Variants in MICAL2 observed in about 807,000 individuals in gnomAD.
MICAL2 encodes [F-actin]-monooxygenase MICAL2.
A neutral mutation model predicts 127.3 loss-of-function variants in MICAL2; 77 were observed. That is an observed-to-expected ratio of 0.60 (90% confidence interval 0.50 to 0.73). The LOEUF (loss-of-function observed/expected upper bound fraction) is 0.73. Among genes scored for constraint, MICAL2 ranks in the 30% least tolerant of loss-of-function variants. The pLI is 0.00. For synonymous variants in MICAL2, 570 were observed against 551.1 expected (o/e 1.03, Z -0.48); for missense variants, 1,351 against 1,434.4 (o/e 0.94, Z 0.94).
rs1282643188 is a variant in MICAL2 at position 12,223,411 on chromosome 11, G to A, written c.1450G>A (p.Val484Met). ...GCAAGCATGTCTCTCTTGCTCATAG[G>A]TGAAGCATTTGTATATCACTAAGGA... ...LNSHCVRPHQ[V>M]KHLYITKELE... is the part of the protein sequence containing the mutation. The change falls in exon 12 of 28, where the codon GTG (valine) becomes ATG (methionine). Residue 484 changes from valine (V) to methionine (M), a missense_variant and splice_region_variant. Val to Met is a conservative substitution (Grantham distance 21, BLOSUM62 1). Transcript: ENST00000683283. The A allele has an allele frequency of 1.2e-6, 2 of 1,613,580 alleles. No individual in the cohort carries two copies. Among genetic ancestry groups the A allele is most frequent in the Non-Finnish European group, 1.7e-6 (2 of 1,179,578 alleles).
chr11:12,316,901 A>G (rs1864238491), intron 29 of MICAL2, among the ~76,000 whole-genome samples: 1 of 152,148 alleles, frequency 6.6e-6, no homozygotes, highest in African/African-American at 2.4e-5. Flanking sequence ...GGGCTAATTC[A>G]TTCCCCGTGA....
intron 32 of MICAL2, among the ~76,000 whole-genome samples, chr11:12,344,935 G>A (rs772625569): frequency 5.5e-5 from 7 of 127,452 alleles, no homozygotes; most frequent in East Asian, 2.1e-4. Flanking sequence ...GTGAAACCCC[G>A]TCTGTACTAA....
Position 12,224,693 on chromosome 11 carries a change from A to G in MICAL2, c.1561A>G (p.Lys521Glu), listed in dbSNP as rs571399686. 126 of 1,614,048 alleles carry G rather than the reference A, an allele frequency of 7.8e-5. No individual in the cohort carries two copies. In the South Asian group the frequency reaches 9.0e-4, roughly 12 times the overall value. Residue 521 changes from lysine to glutamate, a missense_variant, in exon 13 of 28, where the codon AAG becomes GAG. Around this residue, in one of 2 missense-constraint regions of MICAL2, gnomAD observed 599 missense variants for 714.9 expected, o/e 0.84. Coordinates refer to ENST00000683283, the MANE Select transcript of MICAL2 (RefSeq NM_001282663.2). ...SRKESDIRPS[K>E]LLTWCQQQTE... ...TGCAGAGTCAGATATCCGGCCCAGC[A>G]AGCTCCTGACCTGGTGCCAGCAGCA...
At chr11:12,198,730 C>T (rs915862119) in intron 3 of MICAL2, among the ~76,000 whole-genome samples, 2 of 152,200 alleles carry the variant, frequency 1.3e-5, no homozygotes, top group African/African-American at 4.8e-5. Context: ...CCCCCATGCC[C>T]AGCTTGCTGC....
chr11:12,227,854 T>C (rs1329364206), intron 15 of MICAL2, among the ~76,000 whole-genome samples: 1 of 152,234 alleles, frequency 6.6e-6, no homozygotes, highest in Non-Finnish European at 1.5e-5. Flanking sequence ...CTGACAGACA[T>C]GATAGTGTTT....
chr11:12,188,014 C>G (rs73416226), intron 3 of MICAL2, among the ~76,000 whole-genome samples: 2 of 152,012 alleles, frequency 1.3e-5, no homozygotes, highest in South Asian at 4.1e-4. Flanking sequence ...CCTCCTCCTC[C>G]CATCCATATA....
At chr11:12,357,468 C>T (rs1939145842) in intron 34 of MICAL2, among the ~76,000 whole-genome samples, 1 of 152,216 alleles carries the variant, frequency 6.6e-6, no homozygotes, top group African/African-American at 2.4e-5. Context: ...GAAACACCTT[C>T]CTATCAGACA....
downstream of MICAL2, chr11:12,358,704 A>G: frequency 2.9e-6 from 1 of 342,024 alleles, no homozygotes; most frequent in Non-Finnish European, 5.3e-6. Flanking sequence ...TTGGCAGTCA[A>G]CTTCAGCCAG....
At chr11:12,114,992 T>C (rs1462755008) in intron 1 of MICAL2, among the ~76,000 whole-genome samples, 1 of 152,192 alleles carries the variant, frequency 6.6e-6, no homozygotes, top group Non-Finnish European at 1.5e-5. Flanking sequence ...CCCAGAAACC[T>C]GGCCCTGGGC....
chr11:12,122,860 G>A (rs1014944497), intron 1 of MICAL2, among the ~76,000 whole-genome samples: 1 of 152,126 alleles, frequency 6.6e-6, no homozygotes, highest in African/African-American at 2.4e-5. Flanking sequence ...CAATCCCACT[G>A]GATGCTTGAC....
chr11:12,311,691 G>A (rs981548090), intron 29 of MICAL2, among the ~76,000 whole-genome samples: 1 of 152,178 alleles, frequency 6.6e-6, no homozygotes, highest in Non-Finnish European at 1.5e-5. Flanking sequence ...CAGGTGTGAG[G>A]CACCATGCCT....
At chr11:12,168,566 A>G (rs1486598864) in intron 3 of MICAL2, among the ~76,000 whole-genome samples, 1 of 151,874 alleles carries the variant, frequency 6.6e-6, no homozygotes, top group Non-Finnish European at 1.5e-5. Context: ...AGACACATAT[A>G]TATTTCTTTA....
At chr11:12,313,368 G>C (rs187313426) in intron 29 of MICAL2, among the ~76,000 whole-genome samples, 52 of 152,022 alleles carry the variant, frequency 3.4e-4, no homozygotes, top group African/African-American at 1.2e-3. Flanking sequence ...AATAACCGCG[G>C]GGGGAGAATG....
intron 25 of MICAL2, among the ~76,000 whole-genome samples, chr11:12,259,528 AT>A (rs1862812197): frequency 6.6e-6 from 1 of 152,140 alleles, no homozygotes; most frequent in African/African-American, 2.4e-5. Flanking sequence ...CATATTTCAA[AT>A]TATTTACTTG....
intron 2 of MICAL2, among the ~76,000 whole-genome samples, chr11:12,153,612 A>G (rs971139980): frequency 6.6e-6 from 1 of 152,006 alleles, no homozygotes; most frequent in African/African-American, 2.4e-5. Context: ...TAATTTTTGT[A>G]TTTTTGGTAG....
At chr11:12,327,124 G>A in intron 31 of MICAL2, 1 of 1,502,336 alleles carries the variant, frequency 6.7e-7, no homozygotes, top group Non-Finnish European at 9.1e-7. Context: ...GCCCCTCTTG[G>A]GACTCTATGT....
At chr11:12,138,823 T>C (rs1047387573) in intron 2 of MICAL2, among the ~76,000 whole-genome samples, 2 of 152,164 alleles carry the variant, frequency 1.3e-5, no homozygotes, top group Non-Finnish European at 2.9e-5. Context: ...AGGAGTCTCA[T>C]CCCTGAGGTT....
At chr11:12,355,920 T>C (rs1340777509) in intron 34 of MICAL2, among the ~76,000 whole-genome samples, 1 of 151,500 alleles carries the variant, frequency 6.6e-6, no homozygotes, top group Non-Finnish European at 1.5e-5. Flanking sequence ...GGGGCTCAGA[T>C]GGGTCCATCC....
Position 12,228,899 on chromosome 11 carries a change from G to A in MICAL2, c.1995+1768G>A, listed in dbSNP as rs138899400. Among the ~76,000 whole-genome samples the A allele has an allele frequency of 7.2e-5, 11 of 152,302 alleles. No individual in the cohort carries two copies. The East Asian group carries it at 2.1e-3, about 29-fold the overall frequency. On this transcript the variant is annotated intron_variant, in intron 15 of 27. Coordinates refer to ENST00000683283, the MANE Select transcript of MICAL2 (RefSeq NM_001282663.2). ...GGGTGGAGGAGAATAGGACCAGAGT[G>A]AAGCCACTGGTGGGAGCAGGGGTGG...
Sources: gnomAD v4.1 joint callset for allele counts (sites outside exome capture counted in the v4.1 genomes callset) on GRCh38, gnomAD v4.1.1 for gene constraint, gnomAD v4.1.1 regional missense constraint, MANE v1.5 for transcripts, NCBI Gene and HGNC (gene_info 2026-07-23, HGNC 2026-07-21) for gene names.